SDHAF3: variants seen among roughly 807,000 people sequenced by gnomAD.
The protein encoded by SDHAF3 is succinate dehydrogenase complex assembly factor 3, also known as succinate dehydrogenase assembly factor 3, mitochondrial.
Under a neutral mutation model 11.5 loss-of-function variants are expected in SDHAF3, and 18 were observed. That is an observed-to-expected ratio of 1.56 (90% CI 1.08 to 2.32). SDHAF3 has a LOEUF of 2.32. Among genes scored for constraint, SDHAF3 ranks in the 30% most tolerant of loss-of-function variants. The pLI, the probability that SDHAF3 is intolerant of heterozygous loss-of-function variation, is 0.00. For synonymous variants in SDHAF3, 72 were observed against 59.3 expected, an observed-to-expected ratio of 1.21 and a Z score of -0.99; for missense variants, 200 against 154.4, an observed-to-expected ratio of 1.30 and a Z score of -1.57.
At chr7:97,173,830 G>A (rs954123348) in intron 1 of SDHAF3, among the ~76,000 whole-genome samples, 6 of 152,096 alleles carry the variant, frequency 3.9e-5, no homozygotes, top group African/African-American at 1.4e-4. Context: ...GGGATTACAG[G>A]CGTGAGCCAC....
intron 1 of SDHAF3, among the ~76,000 whole-genome samples, chr7:97,163,331 AG>A (rs1789444951): frequency 6.6e-6 from 1 of 152,096 alleles, no homozygotes; most frequent in Non-Finnish European, 1.5e-5. Flanking sequence ...TAGTAGAGAC[AG>A]GGTTTCACCC....
chr7:97,166,645 T>C (rs1188881238), intron 1 of SDHAF3, among the ~76,000 whole-genome samples: 2 of 152,146 alleles, frequency 1.3e-5, no homozygotes, highest in African/African-American at 4.8e-5. Context: ...GAAGAAGGTA[T>C]GATCAGGCAT....
intron 1 of SDHAF3, chr7:97,135,011 C>G (rs1039967651): frequency 6.6e-6 from 1 of 151,942 alleles, no homozygotes; most frequent in Admixed American, 6.6e-5. Flanking sequence ...CTTCATACCC[C>G]CTTCCTTTAA....
At chr7:97,178,153 CA>C (rs1217707271) in intron 1 of SDHAF3, among the ~76,000 whole-genome samples, 1 of 152,170 alleles carries the variant, frequency 6.6e-6, no homozygotes, top group Non-Finnish European at 1.5e-5. Flanking sequence ...TGGAATCATA[CA>C]ATATGTCTTT....
At chr7:97,176,782 T>C (rs62499478) in intron 1 of SDHAF3, among the ~76,000 whole-genome samples, 26,398 of 152,156 alleles carry the variant, frequency 0.17, 2,895 homozygotes, top group Non-Finnish European at 0.25. Flanking sequence ...TTATAAATTA[T>C]ACCCTAAGTG....
At chr7:97,180,584 C>G (rs780745896) in intron 1 of SDHAF3, among the ~76,000 whole-genome samples, 3 of 152,046 alleles carry the variant, frequency 2.0e-5, no homozygotes, top group African/African-American at 7.3e-5. Context: ...CCCCTTGTAT[C>G]TAGGGGATAT....
At chr7:97,179,956 G>T (rs1187051085) in intron 1 of SDHAF3, among the ~76,000 whole-genome samples, 1 of 152,200 alleles carries the variant, frequency 6.6e-6, no homozygotes, top group African/African-American at 2.4e-5. Flanking sequence ...TCAGGTAGCA[G>T]CATTATCCAG....
rs573947647 is a variant in SDHAF3, at chr7:97,143,459, A to G, written c.174+25562A>G. On this transcript the variant is annotated intron_variant, in intron 1 of 1. Coordinates refer to ENST00000432641, the MANE Select transcript of SDHAF3 (RefSeq NM_020186.3). ...GTCTTTTATCCCTCACACCCCTCCC[A>G]CTCTTTCCCCCAAGTCCCCAAAGTC... Among the ~76,000 whole-genome samples, 4 of 151,354 alleles carry G rather than the reference A, an allele frequency of 2.6e-5. No individual in the cohort carries two copies. The East Asian group carries it at 5.9e-4, about 22-fold the overall frequency.
At chr7:97,166,967 G>T (rs1462757108) in intron 1 of SDHAF3, among the ~76,000 whole-genome samples, 1 of 151,856 alleles carries the variant, frequency 6.6e-6, no homozygotes, top group African/African-American at 2.4e-5. Context: ...CTCACTCAGG[G>T]CATCAAAATA....
rs1474413744 is a variant in SDHAF3 at position 97,142,040 on chromosome 7, G to GTTTTTTTTTTT, written c.174+24144_174+24145insTTTTTTTTTTT. On this transcript the variant is annotated intron_variant, in intron 1 of 1. Coordinates refer to ENST00000432641, the MANE Select transcript of SDHAF3 (RefSeq NM_020186.3). ...TGAGCAATGAAATGTGTGAATTGTT[G>GTTTTTTTTTTT]TCTTTTTTTTTTTTTTTTTTTTTTT... Among the ~76,000 whole-genome samples the GTTTTTTTTTTT allele has an allele frequency of 3.4e-5, 3 of 87,916 alleles. No homozygotes were observed. In the Admixed American group the frequency reaches 4.5e-4, roughly 13 times the overall value. 57.7% of individuals were successfully genotyped at this position (87,916 alleles called of 152,430 possible).
Position 97,171,466 on chromosome 7 carries a change from C to CTAAT in SDHAF3, c.175-9544_175-9541dup, listed in dbSNP as rs1232615604. ...TGTAATTCAGAAGAAAGGCATCAGA[C>CTAAT]TAATTCTGATTGTGACAGCATTTTT... On this transcript the variant is annotated intron_variant, in intron 1 of 1. Transcript: ENST00000432641. Among the ~76,000 whole-genome samples the CTAAT allele has an allele frequency of 6.6e-5, 10 of 152,172 alleles. No individual in the cohort carries two copies. The East Asian group carries it at 1.9e-3, about 29-fold the overall frequency.
intron 1 of SDHAF3, among the ~76,000 whole-genome samples, chr7:97,147,679 A>G (rs887283055): frequency 2.6e-5 from 4 of 152,330 alleles, no homozygotes; most frequent in South Asian, 2.1e-4. Flanking sequence ...TACTGTATAA[A>G]TACAGATTTT....
intron 1 of SDHAF3, among the ~76,000 whole-genome samples, chr7:97,164,686 C>G (rs375971821): frequency 5.9e-5 from 9 of 152,108 alleles, no homozygotes; most frequent in African/African-American, 2.2e-4. Context: ...GTTCATAGTT[C>G]TTTTATATAG....
chr7:97,149,221 G>A (rs1789181402), intron 1 of SDHAF3, among the ~76,000 whole-genome samples: 1 of 152,072 alleles, frequency 6.6e-6, no homozygotes, highest in Non-Finnish European at 1.5e-5. Flanking sequence ...ACAGGTGTGA[G>A]CCACCGTGCC....
At chr7:97,129,573 A>T (rs550560042) in intron 1 of SDHAF3, among the ~76,000 whole-genome samples, 67 of 152,324 alleles carry the variant, frequency 4.4e-4, no homozygotes, top group Non-Finnish European at 9.0e-4. Context: ...CCAGTCTGCC[A>T]TCTTTACTTG....
intron 1 of SDHAF3, among the ~76,000 whole-genome samples, chr7:97,153,771 G>A (rs890878979): frequency 2.6e-5 from 4 of 151,930 alleles, no homozygotes; most frequent in Non-Finnish European, 5.9e-5. Context: ...CCTTGCCAGC[G>A]TTTTAGTGAC....
intron 1 of SDHAF3, among the ~76,000 whole-genome samples, chr7:97,164,425 C>G (rs1211727496): frequency 6.7e-6 from 1 of 150,158 alleles, no homozygotes; most frequent in South Asian, 2.1e-4. Context: ...TCTTGTTGCC[C>G]AGGCTGGAGT....
intron 1 of SDHAF3, among the ~76,000 whole-genome samples, chr7:97,165,214 G>A (rs1789482802): frequency 6.6e-6 from 1 of 152,184 alleles, no homozygotes; most frequent in Non-Finnish European, 1.5e-5. Context: ...GTGAACCCAG[G>A]AGGCGGAGCT....
At chr7:97,140,017 C>T (rs1789004449) in intron 1 of SDHAF3, among the ~76,000 whole-genome samples, 1 of 152,120 alleles carries the variant, frequency 6.6e-6, no homozygotes, top group South Asian at 2.1e-4. Flanking sequence ...TCCCATTGAC[C>T]TCTCTTTAAC....
Sources: allele counts gnomAD v4.1 joint callset (sites outside exome capture counted in the v4.1 genomes callset), GRCh38; gene constraint gnomAD v4.1.1; transcripts MANE v1.5; gene names NCBI Gene and HGNC (gene_info 2026-07-23, HGNC 2026-07-21).